Variants in ERBB4 observed in about 807,000 individuals in gnomAD.
The protein encoded by ERBB4 is erb-b2 receptor tyrosine kinase 4.
A neutral mutation model predicts 158.0 loss-of-function variants in ERBB4; 42 were observed. The ratio of observed to expected loss-of-function variants is 0.27; its 90% CI spans 0.21 to 0.34. The LOEUF (loss-of-function observed/expected upper bound fraction) is 0.34, where lower values mean the gene tolerates loss of function less well. Ranked by LOEUF, ERBB4 falls within the 10% of genes least tolerant of loss-of-function variation. The pLI is 1.00. For missense variants in ERBB4, 1,333 were observed against 1,624.1 expected (o/e 0.82, Z 3.08); for synonymous variants, 583 against 558.7 (o/e 1.04, Z -0.61).
At chr2:211,930,199 C>T (rs2080135859) in intron 3 of ERBB4, among the ~76,000 whole-genome samples, 1 of 152,246 alleles carries the variant, frequency 6.6e-6, no homozygotes, top group Middle Eastern at 3.4e-3. Context: ...AGGATATAGA[C>T]ATAATTGTTA....
chr2:212,333,077 A>T (rs2088256151), intron 1 of ERBB4, among the ~76,000 whole-genome samples: 1 of 152,066 alleles, frequency 6.6e-6, no homozygotes, highest in Non-Finnish European at 1.5e-5. Context: ...GGTTAAAATG[A>T]AAAGCACACA....
At chr2:212,331,087 T>TATACAC (rs2088142461) in intron 1 of ERBB4, among the ~76,000 whole-genome samples, 1 of 112,090 alleles carries the variant, frequency 8.9e-6, no homozygotes, top group Non-Finnish European at 2.0e-5. Flanking sequence ...TATATATATA[T>TATACAC]GCCCATAACA....
At chr2:212,194,291 T>TATACACACAC (rs1553590760) in intron 1 of ERBB4, among the ~76,000 whole-genome samples, 1 of 148,728 alleles carries the variant, frequency 6.7e-6, no homozygotes, top group Non-Finnish European at 1.5e-5. Context: ...AAATAGTTTA[T>TATACACACAC]ACACACACAC....
intron 1 of ERBB4, among the ~76,000 whole-genome samples, chr2:212,300,016 CCCTT>C (rs1403940203): frequency 6.6e-5 from 10 of 151,538 alleles, no homozygotes; most frequent in Admixed American, 2.0e-4. Context: ...ATTTCCCCCT[CCCTT>C]GTTACCTAAA....
chr2:211,603,076 C>G (rs1465207495), intron 19 of ERBB4, among the ~76,000 whole-genome samples: 1 of 151,988 alleles, frequency 6.6e-6, no homozygotes, highest in Non-Finnish European at 1.5e-5. Flanking sequence ...ACTAAAAATA[C>G]AAAATTTAGC....
chr2:211,394,062 T>C (rs2062860451), intron 25 of ERBB4, among the ~76,000 whole-genome samples: 1 of 152,052 alleles, frequency 6.6e-6, no homozygotes, highest in Admixed American at 6.6e-5. Flanking sequence ...CAAATATCAG[T>C]AGAACAAGAG....
At chr2:211,488,302 A>G (rs1329153609) in intron 20 of ERBB4, among the ~76,000 whole-genome samples, 1 of 151,994 alleles carries the variant, frequency 6.6e-6, no homozygotes, top group African/African-American at 2.4e-5. Flanking sequence ...GTTCTATGTG[A>G]TATCACCCAA....
chr2:211,969,769 T>C (rs190673529), intron 2 of ERBB4, among the ~76,000 whole-genome samples: 1 of 152,194 alleles, frequency 6.6e-6, no homozygotes, highest in Non-Finnish European at 1.5e-5. Context: ...TTACTGTGTT[T>C]ATTTGAATTT....
intron 1 of ERBB4, among the ~76,000 whole-genome samples, chr2:212,350,374 G>C (rs1468908808): frequency 6.6e-6 from 1 of 152,014 alleles, no homozygotes; most frequent in Non-Finnish European, 1.5e-5. Context: ...CTTTCCCTTA[G>C]TATGTTTACT....
chr2:211,464,975 TTTTTTTC>T (rs1163751110), intron 20 of ERBB4, among the ~76,000 whole-genome samples: 25 of 22,700 alleles, frequency 1.1e-3, no homozygotes, highest in Middle Eastern at 0.045. Context: ...GTTTTTCTTT[TTTTTTTC>T]TTTTTTTTTT....
chr2:212,226,311 G>A (rs1240939654), intron 1 of ERBB4, among the ~76,000 whole-genome samples: 1 of 151,834 alleles, frequency 6.6e-6, no homozygotes, highest in East Asian at 2.0e-4. Context: ...ACTCAGCACT[G>A]GCTGATATCT....
At chr2:212,291,030 T>C (rs555933169) in intron 1 of ERBB4, among the ~76,000 whole-genome samples, 2 of 152,208 alleles carry the variant, frequency 1.3e-5, no homozygotes, top group African/African-American at 2.4e-5. Flanking sequence ...ATGTTTTCTA[T>C]GGCTACTTCT....
At chr2:212,159,249 G>A (rs772954400) in intron 1 of ERBB4, among the ~76,000 whole-genome samples, 4 of 140,024 alleles carry the variant, frequency 2.9e-5, no homozygotes, top group Admixed American at 7.3e-5. Context: ...GTAGTAAACC[G>A]TGGTGTGTGT....
chr2:212,469,629 T>C (rs1689015512), intron 1 of ERBB4, among the ~76,000 whole-genome samples: 1 of 152,156 alleles, frequency 6.6e-6, no homozygotes, highest in Non-Finnish European at 1.5e-5. Flanking sequence ...CACAGGTAAA[T>C]CTCTTACAGC....
chr2:212,036,420 C>T (rs2077013865), intron 2 of ERBB4, among the ~76,000 whole-genome samples: 1 of 151,666 alleles, frequency 6.6e-6, no homozygotes, highest in Non-Finnish European at 1.5e-5. Flanking sequence ...ATACATACAG[C>T]ATTATACCAG....
At chr2:212,414,951 G>A (rs906005954) in intron 1 of ERBB4, among the ~76,000 whole-genome samples, 3 of 152,154 alleles carry the variant, frequency 2.0e-5, no homozygotes, top group African/African-American at 7.2e-5. Flanking sequence ...TCGACTTTAA[G>A]GCCAAAAGTT....
At chr2:212,096,445 G>T (rs966772743) in intron 2 of ERBB4, among the ~76,000 whole-genome samples, 1 of 152,002 alleles carries the variant, frequency 6.6e-6, no homozygotes, top group African/African-American at 2.4e-5. Context: ...ATATTAGGAG[G>T]CATTAAGATG....
chr2:212,006,193 G>A lies in ERBB4; in HGVS notation c.235-58577C>T, dbSNP rs1170677562. On this transcript the variant is annotated intron_variant, in intron 2 of 27. Transcript: ENST00000342788. Reference sequence around the variant, plus strand: ...GGTATTTAGAAGATGGTAAATCCCAGAATCTTTCTAATTATTCTTTGAGAA... The same window carrying A: ...GGTATTTAGAAGATGGTAAATCCCAAAATCTTTCTAATTATTCTTTGAGAA... Among the ~76,000 whole-genome samples, 3 of 151,996 alleles carry A rather than the reference G, an allele frequency of 2.0e-5. No homozygotes were observed. In the East Asian group the frequency reaches 5.8e-4, roughly 29 times the overall value.
intron 20 of ERBB4, among the ~76,000 whole-genome samples, chr2:211,480,123 G>T (rs1051764985): frequency 6.6e-6 from 1 of 151,954 alleles, no homozygotes; most frequent in Non-Finnish European, 1.5e-5. Context: ...TTTTCTTCTT[G>T]TTACATGCAA....
Sources: gnomAD v4.1 joint callset for allele counts (sites outside exome capture counted in the v4.1 genomes callset) on GRCh38, gnomAD v4.1.1 for gene constraint, MANE v1.5 for transcripts, NCBI Gene and HGNC (gene_info 2026-07-23, HGNC 2026-07-21) for gene names.